The following RGS3 variants were observed in gnomAD, a reference collection of about 807,000 sequenced individuals.
RGS3 encodes the protein regulator of G-protein signalling 3.
A neutral mutation model predicts 132.6 loss-of-function variants in RGS3; 80 were observed. That is an observed-to-expected ratio of 0.60 (90% CI 0.50 to 0.73). The LOEUF (loss-of-function observed/expected upper bound fraction) is 0.73. Among genes scored for constraint, RGS3 ranks in the 30% least tolerant of loss-of-function variants. The pLI is 0.00. For missense variants in RGS3, 1,382 were observed against 1,530.8 expected, an observed-to-expected ratio of 0.90 and a Z score of 1.62; for synonymous variants, 598 against 620.6, an observed-to-expected ratio of 0.96 and a Z score of 0.54.
At chr9:113,514,981 T>C (rs1311720337) in intron 15 of RGS3, among the ~76,000 whole-genome samples, 1 of 152,078 alleles carries the variant, frequency 6.6e-6, no homozygotes. Context: ...TTGCCAAAGC[T>C]CCCGCTCCCT....
rs541095621 is a variant in RGS3, at chr9:113,481,428, G to A, written c.467-1631G>A. On this transcript the variant is annotated intron_variant, in intron 4 of 24. Transcript: ENST00000350696. ...GAGGGAAATGATGCACACAGGAACA[G>A]TAACCAGGATACTGGGCAGAGTAGA... Among the ~76,000 whole-genome samples, 3 of 152,232 alleles carry A rather than the reference G, an allele frequency of 2.0e-5. No individual in the cohort carries two copies. The South Asian group carries it at 6.2e-4, about 31-fold the overall frequency.
chr9:113,518,371 T>C (rs1246006068), intron 16 of RGS3, among the ~76,000 whole-genome samples: 1 of 152,182 alleles, frequency 6.6e-6, no homozygotes, highest in Non-Finnish European at 1.5e-5. Flanking sequence ...ATCAGGAAAC[T>C]TGGAGACAGG....
chr9:113,541,467 C>T, intron 19 of RGS3: 5 of 1,605,452 alleles, frequency 3.1e-6, no homozygotes, highest in Non-Finnish European at 4.3e-6. Context: ...GCAACTTAAC[C>T]CTTTCTTGGG....
At chr9:113,543,648 G>GC (rs1170274907) in intron 19 of RGS3, among the ~76,000 whole-genome samples, 1 of 152,222 alleles carries the variant, frequency 6.6e-6, no homozygotes. Context: ...GCCTGTCTGG[G>GC]AAGGCAGCAA....
At chr9:113,584,253 G>A in exon 20 of RGS3, 1 of 1,612,720 alleles carries the variant, frequency 6.2e-7, no homozygotes, top group Non-Finnish European at 8.5e-7. Context: ...AGGGCAGCCT[G>A]CTGCAGGAGC....
At chr9:113,504,662 G>T (rs189483463) in intron 10 of RGS3, among the ~76,000 whole-genome samples, 1 of 152,370 alleles carries the variant, frequency 6.6e-6, no homozygotes, top group Non-Finnish European at 1.5e-5. Context: ...TGTCCACAGA[G>T]CCTGGCATGC....
At position 113,561,230 on chromosome 9, in the gene RGS3, G is replaced by A. The variant is rs1238557741; in HGVS notation, c.2038-22220G>A. Among the ~76,000 whole-genome samples the A allele has an allele frequency of 1.3e-5, 2 of 151,654 alleles. 1 individual carries two copies. Among genetic ancestry groups the A allele is most frequent in the Non-Finnish European group, 2.9e-5 (2 of 67,916 alleles). ...AGTAGAGACGAGGTTTCACCATGTTGGCCAGGCTGGTCTCAAACTCCTGAC... is the reference window on the plus strand; with the variant it reads ...AGTAGAGACGAGGTTTCACCATGTTAGCCAGGCTGGTCTCAAACTCCTGAC... On this transcript the variant is annotated intron_variant, in intron 19 of 24. Coordinates refer to ENST00000350696, the Ensembl canonical transcript of RGS3.
upstream of RGS3, among the ~76,000 whole-genome samples, chr9:113,457,828 T>C (rs1829396287): frequency 6.6e-6 from 1 of 152,174 alleles, no homozygotes; most frequent in Non-Finnish European, 1.5e-5. Context: ...AGGTAGCTTT[T>C]GAGGCAATTT....
At chr9:113,509,380 T>A (rs1831300758) in intron 14 of RGS3, among the ~76,000 whole-genome samples, 1 of 152,054 alleles carries the variant, frequency 6.6e-6, no homozygotes, top group African/African-American at 2.4e-5. Context: ...GTTGGGGGGA[T>A]CCCATGAGAG....
chr9:113,561,410 C>T (rs1002435563), intron 19 of RGS3, among the ~76,000 whole-genome samples: 66 of 151,424 alleles, frequency 4.4e-4, no homozygotes, highest in Middle Eastern at 3.4e-3. Flanking sequence ...GTCTCTCTCT[C>T]TCTCTCTGTC....
chr9:113,534,406 C>A (rs1832597787), intron 18 of RGS3, among the ~76,000 whole-genome samples: 1 of 152,114 alleles, frequency 6.6e-6, no homozygotes, highest in Admixed American at 6.6e-5. Flanking sequence ...CCACAGATAC[C>A]AAAGTCCAAA....
At chr9:113,486,832 C>T (rs1830346450) in intron 7 of RGS3, among the ~76,000 whole-genome samples, 1 of 152,182 alleles carries the variant, frequency 6.6e-6, no homozygotes, top group African/African-American at 2.4e-5. Context: ...AAGGATTTCT[C>T]TTTTAATAAA....
chr9:113,517,611 A>T, exon 16 of RGS3: 1 of 1,613,464 alleles, frequency 6.2e-7, no homozygotes, highest in Non-Finnish European at 8.5e-7. Context: ...GAAGGGAGGA[A>T]CAAGGCTGCC....
chr9:113,574,567 A>G (rs543359716), intron 19 of RGS3, among the ~76,000 whole-genome samples: 2 of 152,340 alleles, frequency 1.3e-5, no homozygotes, highest in South Asian at 2.1e-4. Context: ...AATAAGCCAG[A>G]CATGATCCTG....
In RGS3 at chr9:113,476,468, G is replaced by A. The variant is rs573959164; in HGVS notation, c.416-3023G>A. ...CAGGCATGGCCGAGGGAGGGATCTT[G>A]TGAACTGGGGCAGGTGTGTCCTGGC... On this transcript the variant is annotated intron_variant, in intron 3 of 24. Coordinates refer to ENST00000350696, the Ensembl canonical transcript of RGS3. Among the ~76,000 whole-genome samples, 109 of 152,310 alleles carry A rather than the reference G, an allele frequency of 7.2e-4. No homozygotes were observed. The South Asian group carries it at 0.011, about 15-fold the overall frequency.
intron 19 of RGS3, among the ~76,000 whole-genome samples, chr9:113,543,914 T>C (rs1833002215): frequency 6.6e-6 from 1 of 152,232 alleles, no homozygotes; most frequent in African/African-American, 2.4e-5. Context: ...ACAGCACCAT[T>C]GCTGCTCTGC....
chr9:113,595,750 C>G (rs1009334222), exon 24 of RGS3: 1 of 1,613,864 alleles, frequency 6.2e-7, no homozygotes, highest in African/African-American at 1.3e-5. Context: ...ACATCGCGAT[C>G]CAGGCATGCA....
At chr9:113,517,599 A>T (rs775479162) in exon 16 of RGS3, 1 of 1,613,474 alleles carries the variant, frequency 6.2e-7, no homozygotes, top group Non-Finnish European at 8.5e-7. Context: ...CTGCTGCTGT[A>T]TGAAGGGAGG....
chr9:113,563,110 CCCTTTCCTCA>C (rs1185863638), intron 19 of RGS3, among the ~76,000 whole-genome samples: 1 of 152,248 alleles, frequency 6.6e-6, no homozygotes, highest in Non-Finnish European at 1.5e-5. Flanking sequence ...AGCTGCTCTA[CCCTTTCCTCA>C]CCATGCTATG....
Sources: allele counts gnomAD v4.1 joint callset (sites outside exome capture counted in the v4.1 genomes callset), GRCh38; gene constraint gnomAD v4.1.1; transcripts MANE v1.5; gene names NCBI Gene and HGNC (gene_info 2026-07-23, HGNC 2026-07-21).